Variants in ARHGAP6 observed in about 807,000 individuals in gnomAD.
The protein encoded by ARHGAP6 is rho GTPase-activating protein 6.
Under a neutral mutation model 55.7 loss-of-function variants are expected in ARHGAP6, and 16 were observed. The observed-to-expected ratio is 0.29, with a 90% CI of 0.19 to 0.44. ARHGAP6 has a LOEUF of 0.44. Ranked by LOEUF, ARHGAP6 falls within the 20% of genes least tolerant of loss-of-function variation. The probability of loss-of-function intolerance (pLI) is 1.00; values close to 1 mark genes in which losing one functional copy is unlikely to be tolerated. For missense variants in ARHGAP6, 698 were observed against 808.9 expected (o/e 0.86, Z 1.66); for synonymous variants, 382 against 360.9 (o/e 1.06, Z -0.66).
intron 1 of ARHGAP6, among the ~76,000 whole-genome samples, chrX:11,597,793 TAA>T (rs1279153546): frequency 9.0e-6 from 1 of 111,626 alleles, no homozygotes. Context: ...TTCAAGAAGC[TAA>T]AAGTGTGTTT....
rs1555965240 is a variant in ARHGAP6 at position 11,176,255 on chromosome X, A to ATATATATT, written c.1629+1844_1629+1845insAATATATA. 1.7e-3 allele frequency among the ~76,000 whole-genome samples: 101 copies of ATATATATT among 60,386 alleles called. 3 individuals carry two copies. The highest frequency in any genetic ancestry group is 3.1e-3 in the East Asian group (6 of 1,928). The allele number at this position is 60,386 out of a possible 115,157, so 52.4% of individuals were successfully genotyped here. Reference sequence around the variant, plus strand: ...TGCATATATATATATATATATATATATATATATATTTGCATATATTTATAT... The same window carrying ATATATATT: ...TGCATATATATATATATATATATATATATATATTTATATATATTTGCATATATTTATAT... On this transcript the variant is annotated intron_variant, in intron 8 of 12. Coordinates refer to ENST00000337414, the MANE Select transcript of ARHGAP6 (RefSeq NM_013427.3).
intron 1 of ARHGAP6, among the ~76,000 whole-genome samples, chrX:11,490,517 G>C (rs1225237999): frequency 2.7e-5 from 3 of 112,137 alleles, no homozygotes; most frequent in African/African-American, 9.7e-5. Flanking sequence ...CAGTTAAGCT[G>C]TGCTTGGACT....
At chrX:11,275,280 T>A (rs1172109317) in intron 1 of ARHGAP6, among the ~76,000 whole-genome samples, 1 of 110,298 alleles carries the variant, frequency 9.1e-6, no homozygotes, top group African/African-American at 3.3e-5. Context: ...TATGTGATAA[T>A]ACACAGTGGG....
In ARHGAP6 at chrX:11,591,363, T is replaced by G. The variant is rs1057500761; in HGVS notation, c.588+72878A>C. ...TTAAATTTAAAATATGTTTTAAAAC[T>G]TTTATTAATTTTAATTATTTAATTA... On this transcript the variant is annotated intron_variant, in intron 1 of 12. Coordinates refer to ENST00000337414, the MANE Select transcript of ARHGAP6 (RefSeq NM_013427.3). Among the ~76,000 whole-genome samples, 19 of 108,792 alleles carry G rather than the reference T, an allele frequency of 1.7e-4. 1 individual carries two copies. The highest frequency in any genetic ancestry group is 4.8e-3 in the Middle Eastern group (1 of 209). The allele number at this position is 108,792 out of a possible 115,157, so 94.5% of individuals were successfully genotyped here.
At chrX:11,204,501 G>C (rs2046676160) in intron 2 of ARHGAP6, among the ~76,000 whole-genome samples, 1 of 111,858 alleles carries the variant, frequency 8.9e-6, no homozygotes, top group Non-Finnish European at 1.9e-5. Context: ...CTCCCTGCAG[G>C]CAAATATTGT....
At chrX:11,387,163 T>C (rs779723603) in intron 1 of ARHGAP6, among the ~76,000 whole-genome samples, 1 of 112,092 alleles carries the variant, frequency 8.9e-6, no homozygotes, top group East Asian at 2.8e-4. Flanking sequence ...AAGTGATCAA[T>C]GAAGGAGAAA....
At chrX:11,210,845 T>G (rs898081693) in intron 2 of ARHGAP6, among the ~76,000 whole-genome samples, 8 of 112,122 alleles carry the variant, frequency 7.1e-5, no homozygotes, top group Non-Finnish European at 3.8e-5. Context: ...ATCTAGAAAA[T>G]TGATTTTGGT....
At chrX:11,437,937 T>C (rs1347795001) in intron 1 of ARHGAP6, among the ~76,000 whole-genome samples, 1 of 112,265 alleles carries the variant, frequency 8.9e-6, no homozygotes, top group Non-Finnish European at 1.9e-5. Context: ...ACTGTGCTTT[T>C]TGGTTGAATA....
At chrX:11,189,684 G>A (rs1353200840) in intron 3 of ARHGAP6, among the ~76,000 whole-genome samples, 1 of 111,988 alleles carries the variant, frequency 8.9e-6, no homozygotes, top group African/African-American at 3.2e-5. Flanking sequence ...CTAAATATCT[G>A]GTGGGAGGCC....
intron 2 of ARHGAP6, among the ~76,000 whole-genome samples, chrX:11,246,340 G>A (rs932321057): frequency 2.7e-5 from 3 of 111,573 alleles, no homozygotes; most frequent in African/African-American, 9.8e-5. Context: ...ATGAAAGCTG[G>A]AAACTGAGCA....
chrX:11,385,030 T>C (rs980626773), intron 1 of ARHGAP6, among the ~76,000 whole-genome samples: 3 of 112,003 alleles, frequency 2.7e-5, no homozygotes, highest in African/African-American at 9.7e-5. Flanking sequence ...TAAATGACCA[T>C]GATTCACCAG....
intron 1 of ARHGAP6, among the ~76,000 whole-genome samples, chrX:11,305,512 G>C (rs953878050): frequency 3.6e-5 from 4 of 112,317 alleles, no homozygotes; most frequent in African/African-American, 1.3e-4. Context: ...TGAGTTAATT[G>C]TTCCTGCTTG....
At chrX:11,447,671 T>G (rs2050105267) in intron 1 of ARHGAP6, among the ~76,000 whole-genome samples, 1 of 112,208 alleles carries the variant, frequency 8.9e-6, no homozygotes, top group South Asian at 3.7e-4. Flanking sequence ...TGAATACTTT[T>G]ACACAGGGGT....
chrX:11,514,161 CAAAAAAAAAAAAAA>C (rs1156613318), intron 1 of ARHGAP6, among the ~76,000 whole-genome samples: 4 of 35,778 alleles, frequency 1.1e-4, no homozygotes, highest in Non-Finnish European at 1.4e-4. Flanking sequence ...AACCCTGTCT[CAAAAAAAAAAAAAA>C]AAAAAAAAAA....
chrX:11,446,980 T>C (rs1168148371), intron 1 of ARHGAP6, among the ~76,000 whole-genome samples: 2 of 111,887 alleles, frequency 1.8e-5, no homozygotes, highest in Non-Finnish European at 3.8e-5. Context: ...CTAATGTTAG[T>C]TTTCCCAGAA....
intron 1 of ARHGAP6, among the ~76,000 whole-genome samples, chrX:11,585,210 T>C (rs2051716739): frequency 1.8e-5 from 2 of 112,336 alleles, no homozygotes; most frequent in African/African-American, 6.5e-5. Flanking sequence ...ACTCCACATC[T>C]TTGCTATTGT....
chrX:11,464,881 TAAGTGAGCTGG>T (rs1225420073), intron 1 of ARHGAP6, among the ~76,000 whole-genome samples: 2 of 112,257 alleles, frequency 1.8e-5, no homozygotes, highest in Non-Finnish European at 3.8e-5. Flanking sequence ...AGAGACATAG[TAAGTGAGCTGG>T]CTTCCCCATC....
At chrX:11,544,116 T>C (rs1027057760) in intron 1 of ARHGAP6, among the ~76,000 whole-genome samples, 2 of 112,341 alleles carry the variant, frequency 1.8e-5, no homozygotes, top group Non-Finnish European at 3.8e-5. Context: ...CAATTGTTTT[T>C]AGGCATTTGG....
chrX:11,391,050 A>G (rs1035873999), intron 1 of ARHGAP6, among the ~76,000 whole-genome samples: 3 of 112,221 alleles, frequency 2.7e-5, no homozygotes, highest in Non-Finnish European at 5.6e-5. Flanking sequence ...AATAGCAAAG[A>G]CTTGGAACCA....
Sources: allele counts gnomAD v4.1 joint callset (sites outside exome capture counted in the v4.1 genomes callset), GRCh38; gene constraint gnomAD v4.1.1; transcripts MANE v1.5; gene names NCBI Gene and HGNC (gene_info 2026-07-23, HGNC 2026-07-21).